CDH23: variants seen among roughly 807,000 people sequenced by gnomAD.
CDH23 encodes cadherin-23.
A neutral mutation model predicts 317.1 loss-of-function variants in CDH23; 189 were observed. That is an observed-to-expected ratio of 0.60 (90% CI 0.53 to 0.67). CDH23 has a LOEUF of 0.67. CDH23 is among the 30% of genes least tolerant of loss of function. The pLI is 0.00. For synonymous variants in CDH23, 1,839 were observed against 1,876.8 expected (o/e 0.98, Z 0.52); for missense variants, 4,401 against 4,592.4 (o/e 0.96, Z 1.20).
intron 9 of CDH23, among the ~76,000 whole-genome samples, chr10:71,615,149 G>A (rs966639855): frequency 5.9e-5 from 9 of 152,152 alleles, no homozygotes; most frequent in Admixed American, 5.2e-4. Flanking sequence ...CCTTTGGAAG[G>A]CTCTGAGCCT....
In CDH23 at chr10:71,645,935, G is replaced by A. The variant is rs1195303436; in HGVS notation, c.1245G>A (p.Val415=). The change falls in exon 13 of 70, where the codon GTG becomes GTA. Residue 415 remains valine, a synonymous_variant. Coordinates refer to ENST00000224721, the MANE Select transcript of CDH23 (RefSeq NM_022124.6). The part of the protein sequence containing the change: ...VQGKADIRIR[V]AIPLDYETVD... ...GGAAGGCGGACATTCGTATTCGGGT[G>A]GCCATCCCACTGGACTACGAGACCG... 2 of 1,613,480 alleles carry A rather than the reference G, an allele frequency of 1.2e-6. No individual in the cohort carries two copies. The highest frequency in any genetic ancestry group is 1.7e-6 in the Non-Finnish European group (2 of 1,179,710).
chr10:71,789,085 A>G (rs1246719954), intron 45 of CDH23, 43 bp downstream of exon 45: 1 of 953,502 alleles, frequency 1.0e-6, no homozygotes, highest in Admixed American at 1.7e-5. Flanking sequence ...GTTGCCAGGC[A>G]CCACTGGGGC....
At chr10:71,427,935 A>G (rs1849181469) in intron 1 of CDH23, among the ~76,000 whole-genome samples, 1 of 151,180 alleles carries the variant, frequency 6.6e-6, no homozygotes, top group Admixed American at 6.6e-5. Flanking sequence ...CTGGTCTCAA[A>G]CTCCTGACCT....
chr10:71,810,192 C>A, intron 61 of CDH23, 116 bp downstream of exon 61: 2 of 1,244,368 alleles, frequency 1.6e-6, no homozygotes, highest in East Asian at 2.4e-5. Flanking sequence ...CAGTATAGTC[C>A]CTACTTAGTC....
intron 7 of CDH23, among the ~76,000 whole-genome samples, chr10:71,567,957 C>G (rs1196664070): frequency 6.6e-6 from 1 of 152,236 alleles, no homozygotes; most frequent in Non-Finnish European, 1.5e-5. Flanking sequence ...TGTCAAGGGG[C>G]CTGCCGGCAG....
chr10:71,583,688 C>A (rs190260885), intron 9 of CDH23, among the ~76,000 whole-genome samples: 1 of 152,270 alleles, frequency 6.6e-6, no homozygotes, highest in East Asian at 1.9e-4. Context: ...TGCTGTCGTC[C>A]GCAGCTCAGG....
chr10:71,431,781 A>G (rs2394796), intron 1 of CDH23, among the ~76,000 whole-genome samples: 134,695 of 152,186 alleles, frequency 0.89, 59,945 homozygotes, highest in African/African-American at 0.96. Context: ...CCTGCCTGCT[A>G]GGCCAGGAGG....
In CDH23 at chr10:71,509,794, G is replaced by A; in HGVS notation, c.146-288G>A. 3 of 417,094 alleles carry A rather than the reference G, an allele frequency of 7.2e-6. No homozygotes were observed. The South Asian group carries it at 9.0e-5, about 13-fold the overall frequency. The allele number at this position is 417,094 out of a possible 1,614,324, so 25.8% of individuals were successfully genotyped here. ...GAAGGAGGTCTTCAAATTAAAATCA[G>A]AGAAAGGGGGGCAGGCAGAAGTCAT... On this transcript the variant is annotated intron_variant, in intron 3 of 69. Transcript: ENST00000224721.
chr10:71,762,137 G>T, intron 38 of CDH23: 1 of 1,281,842 alleles, frequency 7.8e-7, no homozygotes, highest in Non-Finnish European at 1.0e-6. Flanking sequence ...CAGGCCAGGG[G>T]CATGTCAGCT....
At chr10:71,544,303 G>A (rs1045803802) in intron 6 of CDH23, among the ~76,000 whole-genome samples, 3 of 152,170 alleles carry the variant, frequency 2.0e-5, no homozygotes, top group African/African-American at 7.2e-5. Flanking sequence ...CGAGAGAGTG[G>A]GCGGAAAACA....
chr10:71,691,188 G>A (rs773879972), intron 20 of CDH23, among the ~76,000 whole-genome samples: 1 of 152,202 alleles, frequency 6.6e-6, no homozygotes, highest in South Asian at 2.1e-4. Flanking sequence ...GTCTCTCCAT[G>A]TACATTCCTC....
At chr10:71,735,744 G>A (rs562332109) in intron 34 of CDH23, among the ~76,000 whole-genome samples, 5 of 152,334 alleles carry the variant, frequency 3.3e-5, no homozygotes, top group South Asian at 4.1e-4. Context: ...CAGTTCTAGC[G>A]GCACTGGTTG....
At chr10:71,797,830 G>A (rs533802970) in intron 49 of CDH23, among the ~76,000 whole-genome samples, 3 of 152,186 alleles carry the variant, frequency 2.0e-5, no homozygotes, top group East Asian at 1.9e-4. Flanking sequence ...AGAGTTGAGT[G>A]GGGGAAGTGG....
rs1470183288 is a variant in CDH23 at position 71,770,934 on chromosome 10, C to T, written c.4846-6746C>T. 2.6e-5 allele frequency among the ~76,000 whole-genome samples: 4 copies of T among 152,210 alleles called. No homozygotes were observed. The East Asian group carries it at 7.7e-4, about 29-fold the overall frequency. Reference sequence around the variant, plus strand: ...CTGGCCTCAAGGCTGTTCCTCTCTACTCCAGAGCCTCTGGGCAGTGGGTTG... The same window carrying T: ...CTGGCCTCAAGGCTGTTCCTCTCTATTCCAGAGCCTCTGGGCAGTGGGTTG... On this transcript the variant is annotated intron_variant, in intron 38 of 69. Transcript: ENST00000224721.
At chr10:71,495,215 A>G (rs1331490192) in intron 3 of CDH23, among the ~76,000 whole-genome samples, 1 of 152,200 alleles carries the variant, frequency 6.6e-6, no homozygotes, top group Non-Finnish European at 1.5e-5. Flanking sequence ...TCTCAACGTG[A>G]TGTATTAATT....
In CDH23 at chr10:71,705,018, G is replaced by T. The variant is rs1865727610; in HGVS notation, c.2841G>T (p.Val947=). Residue 947 remains valine, a synonymous_variant, in exon 25 of 70, where the codon GTG becomes GTT. Transcript: ENST00000224721. ...DFLINSSSGV[V]VTTTELDRER... ...TCATCAACAGCAGCAGCGGCGTGGT[G>T]GTCACCACCACCGAGCTGGACCGCG... is the stretch of plus-strand genomic sequence containing the variant. 2 of 1,612,666 alleles carry T rather than the reference G, an allele frequency of 1.2e-6. No homozygotes were observed. The highest frequency in any genetic ancestry group is 8.5e-7 in the Non-Finnish European group (1 of 1,179,854).
At chr10:71,775,278 C>T (rs1108829) in intron 38 of CDH23, among the ~76,000 whole-genome samples, 60,062 of 152,048 alleles carry the variant, frequency 0.4, 12,059 homozygotes, top group East Asian at 0.47. Flanking sequence ...CACCCCATCT[C>T]AACCCTTCCT....
intron 1 of CDH23, among the ~76,000 whole-genome samples, chr10:71,411,055 T>C (rs1848325352): frequency 6.6e-6 from 1 of 152,250 alleles, no homozygotes; most frequent in South Asian, 2.1e-4. Flanking sequence ...GATGTAGTCT[T>C]GATATTGCCA....
At chr10:71,578,371 G>T (rs987167760) in intron 9 of CDH23, among the ~76,000 whole-genome samples, 1 of 152,096 alleles carries the variant, frequency 6.6e-6, no homozygotes, top group Non-Finnish European at 1.5e-5. Flanking sequence ...TTTTCTTCTC[G>T]TATTTGATGA....
Sources: allele counts gnomAD v4.1 joint callset (sites outside exome capture counted in the v4.1 genomes callset), GRCh38; gene constraint gnomAD v4.1.1; transcripts MANE v1.5; gene names NCBI Gene and HGNC (gene_info 2026-07-23, HGNC 2026-07-21).